The following TRIQK variants were observed in gnomAD, a reference collection of about 807,000 sequenced individuals.
TRIQK encodes triple QxxK/R motif-containing protein.
In TRIQK, 10 loss-of-function variants were observed where a neutral mutation model predicts 10.8. The observed-to-expected ratio is 0.92, with a 90% CI of 0.57 to 1.57. TRIQK has a LOEUF of 1.57. Among genes scored for constraint, TRIQK ranks in the 40% most tolerant of loss-of-function variants. The probability of loss-of-function intolerance (pLI) is 0.00; values close to 1 mark genes in which losing one functional copy is unlikely to be tolerated. For missense variants in TRIQK, 107 were observed against 97.7 expected, an observed-to-expected ratio of 1.09 and a Z score of -0.40; for synonymous variants, 33 against 33.7, an observed-to-expected ratio of 0.98 and a Z score of 0.07.
intron 2 of TRIQK, among the ~76,000 whole-genome samples, chr8:92,930,119 T>C (rs1490036870): frequency 1.3e-5 from 2 of 151,782 alleles, no homozygotes; most frequent in East Asian, 3.9e-4. Context: ...GGCTTACACC[T>C]GTAATCCCAG....
upstream of TRIQK, among the ~76,000 whole-genome samples, chr8:92,970,761 A>G (rs1481173487): frequency 1.3e-5 from 2 of 152,092 alleles, no homozygotes; most frequent in East Asian, 1.9e-4. Flanking sequence ...CTTTTCACTC[A>G]TGATAGTTTC....
At chr8:92,897,128 C>T (rs1808649455) in intron 3 of TRIQK, among the ~76,000 whole-genome samples, 2 of 152,038 alleles carry the variant, frequency 1.3e-5, no homozygotes, top group African/African-American at 4.8e-5. Context: ...CAGCATTGTA[C>T]TTTGGAAGTA....
intron 2 of TRIQK, among the ~76,000 whole-genome samples, chr8:92,941,492 G>T (rs1047536576): frequency 6.6e-6 from 1 of 151,932 alleles, no homozygotes; most frequent in Non-Finnish European, 1.5e-5. Context: ...CATCAAAAAA[G>T]AAGATCTCAA....
chr8:92,955,458 A>G (rs1257998422), intron 1 of TRIQK, among the ~76,000 whole-genome samples: 2 of 151,782 alleles, frequency 1.3e-5, no homozygotes, highest in African/African-American at 2.4e-5. Flanking sequence ...TGCAAAGACT[A>G]AAACTATAAA....
At chr8:92,908,688 T>C (rs1809409414) in intron 3 of TRIQK, among the ~76,000 whole-genome samples, 1 of 152,098 alleles carries the variant, frequency 6.6e-6, no homozygotes, top group Admixed American at 6.6e-5. Flanking sequence ...ATATAATTTA[T>C]TGTCCATTTA....
intron 4 of TRIQK, among the ~76,000 whole-genome samples, chr8:92,890,000 T>C (rs542189338): frequency 5.7e-4 from 86 of 151,910 alleles, no homozygotes; most frequent in African/African-American, 2.0e-3. Context: ...ATTATGGTCA[T>C]TCTATATCAA....
At chr8:92,964,793 A>G (rs751765017) in intron 1 of TRIQK, 1 of 152,006 alleles carries the variant, frequency 6.6e-6, no homozygotes, top group African/African-American at 2.4e-5. Flanking sequence ...CTTTTTTAGG[A>G]AGGAAGGGCA....
intron 2 of TRIQK, among the ~76,000 whole-genome samples, chr8:92,945,673 G>C (rs1270527158): frequency 6.6e-6 from 1 of 152,154 alleles, no homozygotes; most frequent in Non-Finnish European, 1.5e-5. Context: ...ATATAGGTAT[G>C]TATATAGATA....
At chr8:92,903,131 A>C (rs1363058291) in intron 3 of TRIQK, among the ~76,000 whole-genome samples, 2 of 152,058 alleles carry the variant, frequency 1.3e-5, no homozygotes, top group Non-Finnish European at 2.9e-5. Context: ...ATTTTTAAAT[A>C]TATTCTAAAT....
intron 2 of TRIQK, among the ~76,000 whole-genome samples, chr8:92,938,799 G>A (rs916514790): frequency 6.6e-6 from 1 of 152,172 alleles, no homozygotes; most frequent in African/African-American, 2.4e-5. Context: ...ATACCATAAA[G>A]TGAAAGTTGT....
chr8:92,892,247 C>CTCT (rs1816804850), intron 3 of TRIQK, among the ~76,000 whole-genome samples, 173 bp from the exon 4 acceptor site: 1 of 152,000 alleles, frequency 6.6e-6, no homozygotes, highest in East Asian at 1.9e-4. Flanking sequence ...TTTTCCTTCT[C>CTCT]TCTTACTTTT....
At chr8:92,928,800 T>C (rs933739099) in intron 2 of TRIQK, among the ~76,000 whole-genome samples, 2 of 152,152 alleles carry the variant, frequency 1.3e-5, no homozygotes, top group African/African-American at 4.8e-5. Flanking sequence ...AATGATCCCC[T>C]GAAACTTTAG....
intron 1 of TRIQK, among the ~76,000 whole-genome samples, chr8:93,006,399 T>C (rs1202740520): frequency 1.3e-5 from 2 of 152,206 alleles, no homozygotes; most frequent in Non-Finnish European, 2.9e-5. Flanking sequence ...CATGCTACCC[T>C]GCCCAGGAAA....
intron 2 of TRIQK, among the ~76,000 whole-genome samples, chr8:92,942,856 G>A (rs1446257550): frequency 6.6e-6 from 1 of 151,942 alleles, no homozygotes; most frequent in African/African-American, 2.4e-5. Context: ...CACCACGCCT[G>A]GCTAATTTTT....
chr8:92,960,108 C>A (rs1045050763), intron 1 of TRIQK, among the ~76,000 whole-genome samples: 3 of 151,882 alleles, frequency 2.0e-5, no homozygotes, highest in African/African-American at 4.8e-5. Context: ...CTTCATAGGT[C>A]TTTTTCAGCT....
At chr8:92,961,790 A>G (rs990462874) in intron 1 of TRIQK, among the ~76,000 whole-genome samples, 24 of 152,208 alleles carry the variant, frequency 1.6e-4, no homozygotes, top group African/African-American at 5.8e-4. Flanking sequence ...GTTCAATACA[A>G]TTGGTCTGTT....
rs1484952269 is a variant in TRIQK, at chr8:92,892,051, T to G, written c.85A>C (p.Lys29Gln). 4 of 1,531,856 alleles carry G rather than the reference T, an allele frequency of 2.6e-6. No homozygotes were observed. In the East Asian group the frequency reaches 7.4e-5, roughly 28 times the overall value. The allele number at this position is 1,531,856 out of a possible 1,614,324, so 94.9% of individuals were successfully genotyped here. ...AATTTGGTTGCTCGTAAAATAGGTTTAGTTTTTTTATAATCCTGTTTACCT... is the reference window on the plus strand; with the variant it reads ...AATTTGGTTGCTCGTAAAATAGGTTGAGTTTTTTTATAATCCTGTTTACCT... ...QIGKQDYKKT[K>Q]PILRATKLKA... The change falls in exon 4 of 5, where the codon AAA becomes CAA. Residue 29 changes from lysine to glutamine, a missense_variant. By Grantham distance (53) the Lys-to-Gln change is moderately conservative. Coordinates refer to ENST00000521988, the MANE Select transcript of TRIQK (RefSeq NM_001171797.2).
chr8:92,903,581 C>T (rs1586390529), intron 3 of TRIQK, among the ~76,000 whole-genome samples: 1 of 152,160 alleles, frequency 6.6e-6, no homozygotes, highest in South Asian at 2.1e-4. Context: ...AAACTGCAGG[C>T]TATAGGTGCC....
chr8:93,012,461 T>C (rs1813344939), intron 1 of TRIQK, among the ~76,000 whole-genome samples: 1 of 152,178 alleles, frequency 6.6e-6, no homozygotes. Flanking sequence ...AAGCCAACTC[T>C]TCATTGTGGT....
Sources: allele counts gnomAD v4.1 joint callset (sites outside exome capture counted in the v4.1 genomes callset), GRCh38; gene constraint gnomAD v4.1.1; transcripts MANE v1.5; gene names NCBI Gene and HGNC (gene_info 2026-07-23, HGNC 2026-07-21).